PCYOX1: variants seen among roughly 807,000 people sequenced by gnomAD.
PCYOX1 encodes prenylcysteine lyase.
Under a neutral mutation model 46.4 loss-of-function variants are expected in PCYOX1, and 46 were observed. The observed-to-expected ratio is 0.99, with a 90% CI of 0.78 to 1.27. PCYOX1 has a LOEUF of 1.27. Ranked by LOEUF, PCYOX1 falls within the 50% of genes most tolerant of loss-of-function variation. The pLI is 0.00. For missense variants in PCYOX1, 658 were observed against 628.3 expected (o/e 1.05, Z -0.51); for synonymous variants, 220 against 231.8 (o/e 0.95, Z 0.46).
intron 3 of PCYOX1, among the ~76,000 whole-genome samples, chr2:70,269,538 T>C (rs1436556886): frequency 1.3e-5 from 2 of 152,154 alleles, no homozygotes; most frequent in Admixed American, 6.5e-5. Context: ...GTTTTCGCCA[T>C]GATGGCCAGG....
intron 3 of PCYOX1, among the ~76,000 whole-genome samples, chr2:70,268,197 A>G (rs1696554769): frequency 6.6e-6 from 1 of 152,136 alleles, no homozygotes; most frequent in Non-Finnish European, 1.5e-5. Flanking sequence ...ATCATCTGCC[A>G]TTACTGTTAT....
intron 5 of PCYOX1, 146 bp downstream of exon 5, chr2:70,275,812 C>G: frequency 1.2e-6 from 1 of 834,292 alleles, no homozygotes; most frequent in Non-Finnish European, 1.8e-6. Context: ...AAATATTCCC[C>G]AATGGGCCAG....
At chr2:70,274,467 A>G (rs1696639653) in intron 3 of PCYOX1, among the ~76,000 whole-genome samples, 1 of 150,656 alleles carries the variant, frequency 6.6e-6, no homozygotes, top group South Asian at 2.1e-4. Flanking sequence ...AAGAGCTAGG[A>G]TTACAGGCAT....
intron 3 of PCYOX1, among the ~76,000 whole-genome samples, chr2:70,265,468 G>A (rs1048067532): frequency 9.9e-5 from 15 of 152,136 alleles, no homozygotes; most frequent in African/African-American, 3.6e-4. Context: ...TGGGATTACA[G>A]GCGTGAGCCA....
At chr2:70,274,764 A>G (rs1431792389) in intron 3 of PCYOX1, 195 bp from the exon 4 acceptor site, 2 of 568,954 alleles carry the variant, frequency 3.5e-6, no homozygotes, top group African/African-American at 1.9e-5. Context: ...GGGTTTTGCC[A>G]TGTTGGCCAG....
At position 70,280,216 on chromosome 2, in the gene PCYOX1, T is replaced by C. The variant is rs1162550302; in HGVS notation, c.*2824T>C. On this transcript the variant is annotated 3_prime_UTR_variant, in exon 6 of 6. Transcript: ENST00000433351. ...ATACACCAAGGACATCAAGTAGTTT[T>C]AATGCAACTACAGTGTTGAGTGCTT... 1 of 152,264 alleles carries C rather than the reference T, an allele frequency of 6.6e-6. No individual in the cohort carries two copies. Among genetic ancestry groups the C allele is most frequent in the African/African-American group, 2.4e-5 (1 of 41,472 alleles). The allele number at this position is 152,264 out of a possible 1,614,324, so 9.4% of individuals were successfully genotyped here. A position where few individuals can be genotyped will look rare whatever the true frequency, so the allele number is the denominator to read the frequency against.
At chr2:70,273,335 G>T (rs1259277882) in intron 3 of PCYOX1, among the ~76,000 whole-genome samples, 1 of 152,160 alleles carries the variant, frequency 6.6e-6, no homozygotes, top group African/African-American at 2.4e-5. Context: ...AAATGCTATG[G>T]TTAGAAGGTA....
intron 3 of PCYOX1, among the ~76,000 whole-genome samples, chr2:70,272,218 C>T (rs1696610994): frequency 6.6e-6 from 1 of 151,628 alleles, no homozygotes; most frequent in African/African-American, 2.4e-5. Flanking sequence ...CCTCTACCTC[C>T]CAGGTTCAAG....
chr2:70,269,995 C>CTCTT (rs760298629), intron 3 of PCYOX1, among the ~76,000 whole-genome samples: 3 of 150,974 alleles, frequency 2.0e-5, no homozygotes, highest in South Asian at 2.1e-4. Flanking sequence ...CTCTCTTTTT[C>CTCTT]TCTTTCTTTC....
rs750559785 is a variant in PCYOX1 at position 70,278,290 on chromosome 2, A to G, written c.*898A>G. The G allele has an allele frequency of 1.3e-5, 2 of 152,648 alleles. No homozygotes were observed. Among genetic ancestry groups the G allele is most frequent in the Non-Finnish European group, 2.9e-5 (2 of 68,048 alleles). 9.5% of individuals were successfully genotyped at this position (152,648 alleles called of 1,614,324 possible). On this transcript the variant is annotated 3_prime_UTR_variant, in exon 6 of 6. Transcript: ENST00000433351. Reference sequence around the variant, plus strand: ...ATTCAAAGACTGAGGATAGGACCTTAGCATTGTAGCTATTTAAAGTTTCTA... The same window carrying G: ...ATTCAAAGACTGAGGATAGGACCTTGGCATTGTAGCTATTTAAAGTTTCTA...
chr2:70,272,573 C>CTACA (rs1222326779), intron 3 of PCYOX1, among the ~76,000 whole-genome samples: 1 of 152,186 alleles, frequency 6.6e-6, no homozygotes, highest in Admixed American at 6.6e-5. Flanking sequence ...CCATAATGTA[C>CTACA]TACAGCCTTG....
chr2:70,267,190 G>A (rs1216920892), intron 3 of PCYOX1, among the ~76,000 whole-genome samples: 1 of 151,640 alleles, frequency 6.6e-6, no homozygotes, highest in African/African-American at 2.4e-5. Flanking sequence ...CATCTCAGAC[G>A]GGGCGGCGGG....
intron 3 of PCYOX1, among the ~76,000 whole-genome samples, chr2:70,269,971 AT>A (rs372711260): frequency 1.9e-4 from 29 of 150,134 alleles, no homozygotes; most frequent in East Asian, 3.9e-4. Context: ...TTTATTTTTT[AT>A]TTTTTTTTCT....
At chr2:70,267,552 C>T (rs1205185244) in intron 3 of PCYOX1, among the ~76,000 whole-genome samples, 1 of 152,128 alleles carries the variant, frequency 6.6e-6, no homozygotes, top group Admixed American at 6.5e-5. Flanking sequence ...CCTCGGGAGG[C>T]CGAGGCTGGC....
chr2:70,258,562 GTC>G (rs1382209191), intron 1 of PCYOX1: 6 of 342,062 alleles, frequency 1.8e-5, no homozygotes, highest in African/African-American at 1.3e-4. Context: ...TGTAGCCCCT[GTC>G]TCTTAGGTGT....
chr2:70,273,194 CTG>C (rs935742287), intron 3 of PCYOX1, among the ~76,000 whole-genome samples: 13 of 152,218 alleles, frequency 8.5e-5, no homozygotes, highest in Admixed American at 2.0e-4. Context: ...ATTTAATTGA[CTG>C]TTATTTTCTC....
chr2:70,264,213 C>T (rs766926205), intron 3 of PCYOX1, among the ~76,000 whole-genome samples: 1 of 151,480 alleles, frequency 6.6e-6, no homozygotes, highest in Non-Finnish European at 1.5e-5. Context: ...GTTCCACTCA[C>T]CTGGGCCTCC....
chr2:70,260,550 A>G (rs1338916795), intron 2 of PCYOX1, among the ~76,000 whole-genome samples: 2 of 152,128 alleles, frequency 1.3e-5, no homozygotes, highest in East Asian at 1.9e-4. Context: ...AAAACAAACC[A>G]CCACCAACAA....
intron 3 of PCYOX1, among the ~76,000 whole-genome samples, chr2:70,272,450 C>T (rs1320422016): frequency 2.0e-5 from 3 of 151,948 alleles, no homozygotes; most frequent in Admixed American, 6.6e-5. Flanking sequence ...TGTGTACAGA[C>T]AGAGTCTTGC....
Sources: gnomAD v4.1 joint callset for allele counts (sites outside exome capture counted in the v4.1 genomes callset) on GRCh38, gnomAD v4.1.1 for gene constraint, MANE v1.5 for transcripts, NCBI Gene and HGNC (gene_info 2026-07-23, HGNC 2026-07-21) for gene names.